SCHIP1: variants seen among roughly 807,000 people sequenced by gnomAD.
SCHIP1 encodes the protein schwannomin interacting protein 1.
Under a neutral mutation model 29.7 loss-of-function variants are expected in SCHIP1, and 8 were observed. The ratio of observed to expected loss-of-function variants is 0.27; its 90% CI spans 0.16 to 0.49. SCHIP1 has a LOEUF of 0.49. SCHIP1 is among the 20% of genes least tolerant of loss of function. SCHIP1 has a pLI of 0.99. For synonymous variants in SCHIP1, 76 were observed against 94.9 expected, an observed-to-expected ratio of 0.80 and a Z score of 1.16; for missense variants, 193 against 294.6, an observed-to-expected ratio of 0.66 and a Z score of 2.52.
chr3:159,633,879 G>A, the SCHIP1 span, among the ~76,000 whole-genome samples: 6 of 152,038 alleles, frequency 3.9e-5, no homozygotes, highest in East Asian at 1.9e-4. Flanking sequence ...GGCATTAGAG[G>A]GTTTTTTGAA....
chr3:159,688,458 G>A, the SCHIP1 span, among the ~76,000 whole-genome samples: 3 of 150,980 alleles, frequency 2.0e-5, no homozygotes, highest in Admixed American at 2.0e-4. Context: ...GTTTTTTTCT[G>A]GTAAATTTCT....
chr3:159,295,437 C>G, the SCHIP1 span, among the ~76,000 whole-genome samples: 1 of 146,328 alleles, frequency 6.8e-6, no homozygotes, highest in Non-Finnish European at 1.5e-5. Flanking sequence ...TCACAAAAGT[C>G]AATCAATCAA....
At chr3:159,726,328 G>A in the SCHIP1 span, among the ~76,000 whole-genome samples, 1 of 152,166 alleles carries the variant, frequency 6.6e-6, no homozygotes. Flanking sequence ...AATTTCTCAG[G>A]AAGTCTAGGG....
the SCHIP1 span, among the ~76,000 whole-genome samples, chr3:159,303,306 G>A: frequency 2.6e-5 from 4 of 151,938 alleles, no homozygotes; most frequent in African/African-American, 4.8e-5. Flanking sequence ...GGTCTGTAGT[G>A]ATCACACAAG....
At chr3:159,377,706 A>T in the SCHIP1 span, among the ~76,000 whole-genome samples, 906 of 152,312 alleles carry the variant, frequency 5.9e-3, 9 homozygotes, top group African/African-American at 0.021. Flanking sequence ...AATTAATTTC[A>T]TATTTTTATC....
the SCHIP1 span, among the ~76,000 whole-genome samples, chr3:159,745,697 C>A: frequency 2.0e-4 from 30 of 152,252 alleles, no homozygotes; most frequent in South Asian, 4.6e-3. Context: ...ATGTATCTAA[C>A]CTTATTAGTT....
chr3:159,606,182 C>A, the SCHIP1 span, among the ~76,000 whole-genome samples: 1 of 152,156 alleles, frequency 6.6e-6, no homozygotes, highest in Non-Finnish European at 1.5e-5. Flanking sequence ...ATTTTACGGA[C>A]TAGTACATTT....
At chr3:159,695,554 A>T in the SCHIP1 span, among the ~76,000 whole-genome samples, 1 of 151,970 alleles carries the variant, frequency 6.6e-6, no homozygotes, top group African/African-American at 2.4e-5. Flanking sequence ...AGTGGTCAAG[A>T]CTCAGGGAGA....
At chr3:159,321,848 A>G in the SCHIP1 span, among the ~76,000 whole-genome samples, 3,932 of 152,274 alleles carry the variant, frequency 0.026, 169 homozygotes, top group African/African-American at 0.089. Context: ...TTATAAAATA[A>G]TGAAGATTTT....
the SCHIP1 span, among the ~76,000 whole-genome samples, chr3:159,297,398 C>G: frequency 4.6e-5 from 7 of 151,926 alleles, no homozygotes; most frequent in African/African-American, 1.7e-4. Context: ...ATGGCTATAC[C>G]AATTTACATT....
chr3:159,425,090 C>T, the SCHIP1 span, among the ~76,000 whole-genome samples: 1 of 151,400 alleles, frequency 6.6e-6, no homozygotes, highest in South Asian at 2.1e-4. Flanking sequence ...CAAAATCATG[C>T]CAAAATGTAA....
At chr3:159,293,501 TG>T in the SCHIP1 span, among the ~76,000 whole-genome samples, 2,701 of 152,308 alleles carry the variant, frequency 0.018, 78 homozygotes, top group African/African-American at 0.063. Flanking sequence ...GTCACAATTT[TG>T]TTTCTTGCTC....
chr3:159,321,708 G>A, the SCHIP1 span, among the ~76,000 whole-genome samples: 3 of 151,978 alleles, frequency 2.0e-5, no homozygotes, highest in East Asian at 1.9e-4. Flanking sequence ...ATGATTATTT[G>A]TATTGGCTTT....
the SCHIP1 span, among the ~76,000 whole-genome samples, chr3:159,395,634 G>A: frequency 6.6e-6 from 1 of 152,210 alleles, no homozygotes; most frequent in African/African-American, 2.4e-5. Flanking sequence ...GTGGTTTTGA[G>A]TGAGATTCTT....
At chr3:159,348,929 T>C in the SCHIP1 span, among the ~76,000 whole-genome samples, 1 of 152,204 alleles carries the variant, frequency 6.6e-6, no homozygotes, top group Non-Finnish European at 1.5e-5. Context: ...GGAATGAGTA[T>C]TCAGTGGTTG....
chr3:159,647,432 T>A, the SCHIP1 span, among the ~76,000 whole-genome samples: 1 of 152,072 alleles, frequency 6.6e-6, no homozygotes, highest in Admixed American at 6.6e-5. Flanking sequence ...AAAACAAGGC[T>A]ACAGGGAAGG....
chr3:159,678,403 A>G, the SCHIP1 span, among the ~76,000 whole-genome samples: 1 of 152,226 alleles, frequency 6.6e-6, no homozygotes, highest in East Asian at 1.9e-4. Context: ...TGGTTAAACA[A>G]AGTGAGTAAT....
the SCHIP1 span, chr3:159,764,844 C>A: frequency 6.3e-7 from 1 of 1,591,916 alleles, no homozygotes; most frequent in Non-Finnish European, 8.5e-7. This position sits in a 1 kb window ranked among gnomAD's most constrained non-coding sequence, Gnocchi z 6.1. Flanking sequence ...TCCACCAGCA[C>A]GACCCCCAGG....
chr3:159,676,951 A>T, the SCHIP1 span, among the ~76,000 whole-genome samples: 1 of 152,186 alleles, frequency 6.6e-6, no homozygotes, highest in Admixed American at 6.5e-5. Context: ...CACATTACAC[A>T]CAGTAGAGGC....
Sources: allele counts gnomAD v4.1 joint callset (sites outside exome capture counted in the v4.1 genomes callset), GRCh38; gene constraint gnomAD v4.1.1; non-coding constraint Gnocchi (gnomAD v3.1); transcripts MANE v1.5; gene names NCBI Gene and HGNC (gene_info 2026-07-23, HGNC 2026-07-21).